Variants in UNC13B observed in about 807,000 individuals in gnomAD.
UNC13B encodes unc-13 homolog B.
In UNC13B, 144 loss-of-function variants were observed where a neutral mutation model predicts 211.0. The observed-to-expected ratio is 0.68, with a 90% CI of 0.60 to 0.78. The LOEUF (loss-of-function observed/expected upper bound fraction) is 0.78. UNC13B is among the 30% of genes least tolerant of loss of function. The pLI is 0.00. For synonymous variants in UNC13B, 709 were observed against 725.8 expected (o/e 0.98, Z 0.37); for missense variants, 1,777 against 2,002.0 (o/e 0.89, Z 2.14).
chr9:35,361,977 A>G (rs1444031106), intron 11 of UNC13B: 1 of 152,244 alleles, frequency 6.6e-6, no homozygotes, highest in African/African-American at 2.4e-5. Flanking sequence ...CGGTAGGGGA[A>G]GTACAAATCT....
Position 35,304,514 on chromosome 9 carries a change from C to A in UNC13B, c.5110C>A (p.Pro1704Thr), listed in dbSNP as rs1402111402. The A allele has an allele frequency of 7.5e-6, 3 of 398,594 alleles. No individual in the cohort carries two copies. Among genetic ancestry groups the A allele is most frequent in the Non-Finnish European group, 1.3e-5 (3 of 225,888 alleles). 24.7% of individuals were successfully genotyped at this position (398,594 alleles called of 1,614,324 possible). ...AATTATAGAGAGAGATAAAAACCAG[C>A]CTCTAGCTGAAGATTCATCAGTTCA... The part of the protein sequence containing the change: ...DQIIERDKNQ[P>T]LAEDSSVHLS... Residue 1704 changes from proline to threonine, a missense_variant, in exon 9 of 40, where the codon CCT becomes ACT. Physicochemically the swap from Pro to Thr is conservative, Grantham distance 38. Coordinates refer to ENST00000635942, the MANE Select transcript of UNC13B (RefSeq NM_001371189.2).
intron 1 of UNC13B, among the ~76,000 whole-genome samples, chr9:35,168,419 TTA>T (rs1411258981): frequency 6.6e-6 from 1 of 152,166 alleles, no homozygotes; most frequent in Non-Finnish European, 1.5e-5. Context: ...ATGGTTTTTG[TTA>T]TATGTTTGGA....
intron 1 of UNC13B, among the ~76,000 whole-genome samples, chr9:35,181,265 GT>G (rs1167456656): frequency 2.6e-5 from 4 of 151,764 alleles, no homozygotes; most frequent in Non-Finnish European, 5.9e-5. Flanking sequence ...CTTTATCTTT[GT>G]TTTTCTATGT....
At chr9:35,243,613 T>C (rs1170039409) in intron 6 of UNC13B, among the ~76,000 whole-genome samples, 1 of 152,154 alleles carries the variant, frequency 6.6e-6, no homozygotes, top group Non-Finnish European at 1.5e-5. Flanking sequence ...GAGAGGGAGC[T>C]TGTACCAGGG....
Position 35,380,481 on chromosome 9 carries a change from ACTC to A in UNC13B, c.10221_10223del (p.Ser3408del). 6.2e-7 allele frequency: 1 copy of A among 1,613,852 alleles called. No homozygotes were observed. Among genetic ancestry groups the A allele is most frequent in the South Asian group, 1.1e-5 (1 of 91,016 alleles). On this transcript the variant is annotated inframe_deletion, in exon 18 of 40. Transcript: ENST00000635942. ...TAATTCTCTCACAGTGAGTGCCACA[ACTC>A]CTCTGACCGCATTAAGGTGCGTGTA... is the stretch of plus-strand genomic sequence containing the variant.
Position 35,229,196 on chromosome 9 carries a change from T to C in UNC13B, c.52+1152T>C, listed in dbSNP as rs145948976. Among the ~76,000 whole-genome samples the C allele has an allele frequency of 4.1e-3, 628 of 152,338 alleles. 3 individuals carry two copies. The highest frequency in any genetic ancestry group is 6.7e-3 in the Non-Finnish European group (453 of 68,030). ...ATTGTCACATTAGGAAGACTTCCTCTGGTTACTGCTGGGGAAGGAGGGAGG... is the reference window on the plus strand; with the variant it reads ...ATTGTCACATTAGGAAGACTTCCTCCGGTTACTGCTGGGGAAGGAGGGAGG... On this transcript the variant is annotated intron_variant, in intron 2 of 39. Coordinates refer to ENST00000635942, the MANE Select transcript of UNC13B (RefSeq NM_001371189.2).
chr9:35,223,289 G>A (rs1465751159), intron 1 of UNC13B, among the ~76,000 whole-genome samples: 1 of 152,142 alleles, frequency 6.6e-6, no homozygotes, highest in Non-Finnish European at 1.5e-5. Flanking sequence ...CATAAGGGCT[G>A]TACTAATTCA....
intron 11 of UNC13B, among the ~76,000 whole-genome samples, chr9:35,366,678 G>A (rs1398888295): frequency 6.6e-6 from 1 of 152,192 alleles, no homozygotes; most frequent in East Asian, 1.9e-4. Flanking sequence ...AGTGATATGA[G>A]TTCTGCCATT....
At chr9:35,275,316 C>G (rs907471137) in intron 7 of UNC13B, among the ~76,000 whole-genome samples, 23 of 152,128 alleles carry the variant, frequency 1.5e-4, no homozygotes, top group African/African-American at 5.3e-4. Flanking sequence ...ATGTGCTTTT[C>G]TTACGTGGCT....
intron 11 of UNC13B, among the ~76,000 whole-genome samples, chr9:35,320,384 C>T (rs1489736885): frequency 6.6e-6 from 1 of 152,116 alleles, no homozygotes; most frequent in Non-Finnish European, 1.5e-5. Flanking sequence ...GTATATGCTT[C>T]CCATAGGGAG....
At chr9:35,347,061 C>T (rs947519779) in intron 11 of UNC13B, among the ~76,000 whole-genome samples, 5 of 152,028 alleles carry the variant, frequency 3.3e-5, no homozygotes, top group African/African-American at 9.7e-5. Context: ...CCACCACATC[C>T]AGCTAATTTT....
intron 26 of UNC13B, 125 bp downstream of exon 26, chr9:35,390,839 T>TCTAGGCCTACATCCCA: frequency 8.0e-6 from 8 of 997,360 alleles, no homozygotes; most frequent in Non-Finnish European, 1.2e-5. Context: ...CTAAAGGAAT[T>TCTAGGCCTACATCCCA]CTAGGCCTAG....
intron 1 of UNC13B, among the ~76,000 whole-genome samples, chr9:35,214,383 C>T (rs1199506323): frequency 6.6e-6 from 1 of 152,084 alleles, no homozygotes; most frequent in Non-Finnish European, 1.5e-5. Flanking sequence ...GTGGAGATCG[C>T]ACCACTGTAT....
chr9:35,265,344 G>A (rs1827507177), intron 7 of UNC13B, among the ~76,000 whole-genome samples: 1 of 152,216 alleles, frequency 6.6e-6, no homozygotes, highest in African/African-American at 2.4e-5. Context: ...TCTCCACCAT[G>A]TGAGGACACA....
intron 7 of UNC13B, among the ~76,000 whole-genome samples, chr9:35,272,237 T>C (rs1326636332): frequency 6.6e-6 from 1 of 151,012 alleles, no homozygotes; most frequent in Non-Finnish European, 1.5e-5. Flanking sequence ...TGTTTCATTT[T>C]GTTTTTTTTG....
intron 1 of UNC13B, among the ~76,000 whole-genome samples, chr9:35,216,227 A>C (rs10972383): frequency 0.19 from 28,312 of 152,206 alleles, 2,963 homozygotes; most frequent in Non-Finnish European, 0.24. Flanking sequence ...ATAAAAATTC[A>C]TGGTAAATTC....
intron 7 of UNC13B, among the ~76,000 whole-genome samples, chr9:35,266,247 A>G (rs1827567070): frequency 6.6e-6 from 1 of 152,154 alleles, no homozygotes. Context: ...AGCACATCAT[A>G]TGACTCTATT....
At chr9:35,166,979 GC>G (rs143467260) in intron 1 of UNC13B, among the ~76,000 whole-genome samples, 1,748 of 152,270 alleles carry the variant, frequency 0.011, 21 homozygotes, top group African/African-American at 0.038. Context: ...GCTGCATGTG[GC>G]CCAAGACGGC....
At chr9:35,379,877 T>C (rs1201778137) in intron 17 of UNC13B, among the ~76,000 whole-genome samples, 1 of 152,164 alleles carries the variant, frequency 6.6e-6, no homozygotes, top group East Asian at 1.9e-4. Context: ...AAAGCAACTG[T>C]TGGAGAGGAG....
Sources: allele counts gnomAD v4.1 joint callset (sites outside exome capture counted in the v4.1 genomes callset), GRCh38; gene constraint gnomAD v4.1.1; transcripts MANE v1.5; gene names NCBI Gene and HGNC (gene_info 2026-07-23, HGNC 2026-07-21).